The following AKR1B15 variants were observed in gnomAD, a reference collection of about 807,000 sequenced individuals.
AKR1B15 encodes estradiol 17-beta-dehydrogenase AKR1B15.
A neutral mutation model predicts 38.5 loss-of-function variants in AKR1B15; 49 were observed. The ratio of observed to expected loss-of-function variants is 1.27; its 90% CI spans 1.01 to 1.62. The LOEUF is 1.62. Among genes scored for constraint, AKR1B15 ranks in the 40% most tolerant of loss-of-function variants. The pLI is 0.00. For missense variants in AKR1B15, 411 were observed against 381.6 expected (o/e 1.08, Z -0.64); for synonymous variants, 137 against 135.5 (o/e 1.01, Z -0.08).
intron 3 of AKR1B15, among the ~76,000 whole-genome samples, chr7:134,566,064 C>T (rs114338705): frequency 0.014 from 2,207 of 152,208 alleles, 57 homozygotes; most frequent in African/African-American, 0.05. Context: ...GAGATCCAGA[C>T]GAGAGGACTG....
intron 3 of AKR1B15, 72 bp downstream of exon 3, chr7:134,564,841 G>A (rs546791911): frequency 3.7e-6 from 2 of 537,602 alleles, no homozygotes; most frequent in East Asian, 3.0e-5. Flanking sequence ...GGGGGATTGA[G>A]AGGTGAAGCC....
intron 6 of AKR1B15, chr7:134,573,619 A>C (rs1435334345): frequency 1.1e-6 from 1 of 871,588 alleles, no homozygotes. Flanking sequence ...GGGAGGAAAA[A>C]AGTATAAAGA....
intron 2 of AKR1B15, among the ~76,000 whole-genome samples, chr7:134,562,492 C>G (rs186136916): frequency 1.3e-5 from 2 of 151,654 alleles, no homozygotes; most frequent in African/African-American, 4.8e-5. Context: ...TTTTACAGAG[C>G]GCTGATTGGT....
chr7:134,555,080 G>C (rs549012619), intron 1 of AKR1B15, among the ~76,000 whole-genome samples: 21 of 152,310 alleles, frequency 1.4e-4, no homozygotes, highest in Non-Finnish European at 2.9e-4. Flanking sequence ...TTCACCTTTT[G>C]AAATCATGTA....
intron 4 of AKR1B15, 44 bp downstream of exon 4, chr7:134,568,369 G>T: frequency 6.2e-7 from 1 of 1,608,054 alleles, no homozygotes; most frequent in Non-Finnish European, 8.5e-7. Flanking sequence ...TTCAAGGCAG[G>T]CAGAAGTATC....
At chr7:134,571,534 T>G (rs1233018282) in intron 5 of AKR1B15, 70 bp from the exon 6 acceptor site, 51 of 1,246,130 alleles carry the variant, frequency 4.1e-5, no homozygotes, top group Non-Finnish European at 5.5e-5. Flanking sequence ...ATCAGGATCC[T>G]GAAACCTTGT....
chr7:134,576,210 A>G (rs1585815709), intron 8 of AKR1B15, 139 bp from the exon 9 acceptor site: 1 of 1,093,232 alleles, frequency 9.1e-7, no homozygotes, highest in Non-Finnish European at 1.3e-6. Context: ...CGGGGAAAGG[A>G]CCCAAGCTTC....
chr7:134,572,925 G>A (rs561814416), intron 6 of AKR1B15, among the ~76,000 whole-genome samples: 4 of 152,160 alleles, frequency 2.6e-5, no homozygotes, highest in Non-Finnish European at 4.4e-5. Flanking sequence ...TGTTTTACAC[G>A]GGAAAATATA....
At position 134,564,670 on chromosome 7, in the gene AKR1B15, A is replaced by G. The variant is rs1269988221; in HGVS notation, c.51A>G (p.Gln17=). The change falls in exon 3 of 12, where the codon CAA becomes CAG. Residue 17 remains glutamine (Q), a synonymous_variant. Transcript: ENST00000457545. ...TGAACTCAACTAACAACTTCCACCA[A>G]GGACCCCTGGACCAACCCGTTGGCC... ...PQVNSTNNFH[Q]GPLDQPVGPL... 1 of 699,190 alleles carries G rather than the reference A, an allele frequency of 1.4e-6. No homozygotes were observed. The highest frequency in any genetic ancestry group is 2.6e-6 in the Non-Finnish European group (1 of 384,114). 43.3% of individuals were successfully genotyped at this position (699,190 alleles called of 1,614,324 possible). A position where few individuals can be genotyped will look rare whatever the true frequency, so the allele number is the denominator to read the frequency against.
rs369150425 is a variant in AKR1B15 at position 134,576,993 on chromosome 7, G to A, written c.856G>A (p.Val286Met). Residue 286 changes from valine (V) to methionine (M), a missense_variant, in exon 10 of 12, where the codon GTG (valine) becomes ATG (methionine). Physicochemically the swap from Val to Met is conservative, Grantham distance 21 (BLOSUM62 1). Transcript: ENST00000457545. ...GATCCGTTTCCATATCCAGAGGAAT[G>A]TGACAGTGATCCCCAAGTCTATGAC... Reference protein sequence around the residue: ...VLIRFHIQRNVTVIPKSMTPA... With the variant: ...VLIRFHIQRNMTVIPKSMTPA... 109 of 1,613,876 alleles carry A rather than the reference G, an allele frequency of 6.8e-5. No homozygotes were observed. Among genetic ancestry groups the A allele is most frequent in the Non-Finnish European group, 8.8e-5 (104 of 1,179,876 alleles).
intron 1 of AKR1B15, among the ~76,000 whole-genome samples, chr7:134,552,843 C>T (rs148728727): frequency 1.9e-4 from 29 of 152,172 alleles, no homozygotes; most frequent in Admixed American, 6.5e-4. Context: ...TTGGTTACCC[C>T]GAAGTTTTAA....
chr7:134,556,633 C>G (rs1794206465), intron 1 of AKR1B15, 103 bp from the exon 2 acceptor site: 1 of 152,180 alleles, frequency 6.6e-6, no homozygotes, highest in Non-Finnish European at 1.5e-5. Flanking sequence ...GGGACTGAAC[C>G]TGGACCTCTC....
chr7:134,561,695 A>G (rs1794397965), intron 2 of AKR1B15, among the ~76,000 whole-genome samples: 1 of 152,152 alleles, frequency 6.6e-6, no homozygotes, highest in South Asian at 2.1e-4. Flanking sequence ...CATGTAAAAG[A>G]CAGAAAAACC....
At chr7:134,555,133 T>C (rs1253656947) in intron 1 of AKR1B15, among the ~76,000 whole-genome samples, 1 of 152,156 alleles carries the variant, frequency 6.6e-6, no homozygotes, top group African/African-American at 2.4e-5. Context: ...AGGATACCCA[T>C]TTAGCAGAAA....
In AKR1B15 at chr7:134,564,651, C is replaced by A; in HGVS notation, c.32C>A (p.Ser11Ter). The stretch of plus-strand genomic sequence containing the variant: ...TTACAAATGGAACCCCAAGTGAACT[C>A]AACTAACAACTTCCACCAAGGACCC... MVLQMEPQVN[S>*]TNNFHQGPLD... The change falls in exon 3 of 12, where the codon TCA becomes TAA. Residue 11 changes from serine (S) to a stop codon, truncating the protein, a stop_gained. Coordinates refer to ENST00000457545, the MANE Select transcript of AKR1B15 (RefSeq NM_001080538.3). LOFTEE classifies it high-confidence loss of function. The A allele has an allele frequency of 1.4e-6, 1 of 699,040 alleles. No individual in the cohort carries two copies. Among genetic ancestry groups the A allele is most frequent in the Non-Finnish European group, 2.6e-6 (1 of 383,992 alleles). The allele number at this position is 699,040 out of a possible 1,614,324, so 43.3% of individuals were successfully genotyped here.
At chr7:134,560,527 A>G (rs1794355224) in intron 2 of AKR1B15, among the ~76,000 whole-genome samples, 1 of 152,216 alleles carries the variant, frequency 6.6e-6, no homozygotes, top group African/African-American at 2.4e-5. Context: ...GCTAATAGAT[A>G]TACCTTCTTA....
At chr7:134,565,958 G>A (rs1241072865) in intron 3 of AKR1B15, among the ~76,000 whole-genome samples, 1 of 152,108 alleles carries the variant, frequency 6.6e-6, no homozygotes, top group Non-Finnish European at 1.5e-5. Flanking sequence ...CACCATGTGG[G>A]ACTTGGGCTA....
intron 2 of AKR1B15, among the ~76,000 whole-genome samples, chr7:134,559,265 C>G (rs1794309099): frequency 6.6e-6 from 1 of 152,114 alleles, no homozygotes; most frequent in African/African-American, 2.4e-5. Context: ...GTGTCTATGT[C>G]TATACCACAA....
At chr7:134,572,676 C>G (rs1322530029) in intron 6 of AKR1B15, among the ~76,000 whole-genome samples, 1 of 151,852 alleles carries the variant, frequency 6.6e-6, no homozygotes, top group East Asian at 1.9e-4. Context: ...CCTGAGTGCC[C>G]TGCTTCTCAG....
Sources: gnomAD v4.1 joint callset for allele counts (sites outside exome capture counted in the v4.1 genomes callset) on GRCh38, gnomAD v4.1.1 for gene constraint, MANE v1.5 for transcripts, NCBI Gene and HGNC (gene_info 2026-07-23, HGNC 2026-07-21) for gene names.